Variants in KIRREL3 observed in about 807,000 individuals in gnomAD.
KIRREL3 encodes the protein kirre like nephrin family adhesion molecule 3.
KIRREL3 carries 36 observed loss-of-function variants against 89.7 expected under a neutral mutation model. The ratio of observed to expected loss-of-function variants is 0.40; its 90% CI spans 0.31 to 0.53. The LOEUF is 0.53. Among genes scored for constraint, KIRREL3 ranks in the 20% least tolerant of loss-of-function variants. The probability of loss-of-function intolerance (pLI) is 0.49; values close to 1 mark genes in which losing one functional copy is unlikely to be tolerated. For synonymous variants in KIRREL3, 445 were observed against 441.4 expected (o/e 1.01, Z -0.10); for missense variants, 864 against 1,056.6 (o/e 0.82, Z 2.53).
In KIRREL3 at chr11:126,890,594, G is replaced by A. The variant is rs1945876582; in HGVS notation, c.55+109861C>T. On this transcript the variant is annotated intron_variant, in intron 1 of 16. Coordinates refer to ENST00000525144, the MANE Select transcript of KIRREL3 (RefSeq NM_032531.4). This position sits in a 1 kb window ranked among gnomAD's most constrained non-coding sequence, Gnocchi z 5.1. ...CAGAAGGCACCTGGAGGGGTGCTGTGGGAGTCCCGTGGCTGCACATCCTGG... is the reference window on the plus strand; with the variant it reads ...CAGAAGGCACCTGGAGGGGTGCTGTAGGAGTCCCGTGGCTGCACATCCTGG... Among the ~76,000 whole-genome samples the A allele has an allele frequency of 6.6e-6, 1 of 152,240 alleles. No individual in the cohort carries two copies. The highest frequency in any genetic ancestry group is 2.1e-4 in the South Asian group (1 of 4,832).
chr11:126,931,378 C>T lies in KIRREL3; in HGVS notation c.55+69077G>A, dbSNP rs1741833858. Among the ~76,000 whole-genome samples, 1 of 152,200 alleles carries T rather than the reference C, an allele frequency of 6.6e-6. No homozygotes were observed. Among genetic ancestry groups the T allele is most frequent in the African/African-American group, 2.4e-5 (1 of 41,502 alleles). On this transcript the variant is annotated intron_variant, in intron 1 of 16. Transcript: ENST00000525144. The surrounding 1 kb of genome is among the most constrained non-coding windows in gnomAD (Gnocchi z 5.1). ...CATTCCTTCTTTCCTTCCTTCCTCC[C>T]TACCCCACCCTACTTTCCTGTCAAT...
At chr11:127,002,720 C>T (rs1950335887), upstream of KIRREL3, among the ~76,000 whole-genome samples, 1 of 152,124 alleles carries the variant, frequency 6.6e-6, no homozygotes, top group Admixed American at 6.5e-5. Flanking sequence ...CAACATTTGA[C>T]GTTTTAACTA....
chr11:126,888,408 C>G, intron 1 of KIRREL3, among the ~76,000 whole-genome samples: 1 of 151,708 alleles, frequency 6.6e-6, no homozygotes, highest in Non-Finnish European at 1.5e-5. Context: ...CAGATTCTTA[C>G]CAGGCTGCCT....
At chr11:126,711,415 G>T (rs536246559) in intron 1 of KIRREL3, among the ~76,000 whole-genome samples, 37 of 152,250 alleles carry the variant, frequency 2.4e-4, no homozygotes, top group South Asian at 8.3e-4. Context: ...ACAGAAATTA[G>T]CTGGGGGGTG....
At chr11:126,437,059 A>G in intron 11 of KIRREL3, 50 bp from the exon 12 acceptor site, 2 of 1,444,474 alleles carry the variant, frequency 1.4e-6, no homozygotes, top group Non-Finnish European at 1.8e-6. Flanking sequence ...GGGGCCCAGG[A>G]CACGCCCACA....
chr11:126,451,289 T>TG (rs1289606676), intron 7 of KIRREL3, among the ~76,000 whole-genome samples: 6 of 149,892 alleles, frequency 4.0e-5, no homozygotes, highest in African/African-American at 1.5e-4. Context: ...TGTGTGCGTG[T>TG]GTGCATGTGT....
At chr11:126,464,266 G>A (rs572396031) in intron 5 of KIRREL3, among the ~76,000 whole-genome samples, 6 of 151,512 alleles carry the variant, frequency 4.0e-5, no homozygotes, top group African/African-American at 1.5e-4. Flanking sequence ...CCAGCACTTT[G>A]GGAGGCTGAG....
chr11:126,922,867 G>A (rs548782648), intron 1 of KIRREL3, among the ~76,000 whole-genome samples: 48 of 152,204 alleles, frequency 3.2e-4, no homozygotes, highest in East Asian at 9.7e-4. Flanking sequence ...CCCACAATCC[G>A]CAGTGTTCTG....
At chr11:126,794,906 C>T (rs1015960741) in intron 1 of KIRREL3, among the ~76,000 whole-genome samples, 4 of 152,138 alleles carry the variant, frequency 2.6e-5, no homozygotes, top group African/African-American at 4.8e-5. Context: ...AAATTTTATT[C>T]AGTGATAAAA....
intron 4 of KIRREL3, among the ~76,000 whole-genome samples, chr11:126,499,978 A>C (rs768431434): frequency 6.6e-6 from 1 of 152,202 alleles, no homozygotes; most frequent in African/African-American, 2.4e-5. Flanking sequence ...GTCTGATACA[A>C]TGCTTTTGCA....
intron 2 of KIRREL3, among the ~76,000 whole-genome samples, chr11:126,540,903 C>T (rs1167902210): frequency 1.3e-5 from 2 of 152,170 alleles, no homozygotes; most frequent in East Asian, 1.9e-4. Context: ...GAGTCTCAGG[C>T]TCTTGTGTCT....
chr11:126,818,603 T>TGTA (rs144153893), intron 1 of KIRREL3, among the ~76,000 whole-genome samples: 24 of 147,938 alleles, frequency 1.6e-4, no homozygotes, highest in South Asian at 2.2e-4. Context: ...GCAGAAATTG[T>TGTA]GTAGTAGTAG....
intron 1 of KIRREL3, among the ~76,000 whole-genome samples, chr11:126,866,845 C>A (rs1439063098): frequency 1.3e-5 from 2 of 152,178 alleles, no homozygotes; most frequent in Admixed American, 1.3e-4. Flanking sequence ...AGACCACCTT[C>A]CCATTCCATT....
rs528012901 is a variant in KIRREL3 at position 126,452,757 on chromosome 11, C to T, written c.848+3592G>A. Among the ~76,000 whole-genome samples the T allele has an allele frequency of 1.1e-4, 17 of 152,272 alleles. 1 individual carries two copies. In the South Asian group the frequency reaches 3.3e-3, roughly 30 times the overall value. On this transcript the variant is annotated intron_variant, in intron 7 of 16. Coordinates refer to ENST00000525144, the MANE Select transcript of KIRREL3 (RefSeq NM_032531.4). ...GCCAGAGACGGAAGAGGACCGGAGC[C>T]GCTGTCGGGGCTGGGTCCGCAGGAG... is the stretch of plus-strand genomic sequence containing the variant.
chr11:126,774,225 G>C (rs923211213), intron 1 of KIRREL3, among the ~76,000 whole-genome samples: 5 of 148,258 alleles, frequency 3.4e-5, no homozygotes, highest in African/African-American at 1.3e-4. Context: ...GAGGGTTAAG[G>C]AAAAGGGCTC....
chr11:126,885,284 G>A (rs190384468), intron 1 of KIRREL3, among the ~76,000 whole-genome samples: 1 of 152,300 alleles, frequency 6.6e-6, no homozygotes, highest in Admixed American at 6.5e-5. Flanking sequence ...ACAGTGGGAA[G>A]CATAAAATAT....
At chr11:126,538,805 A>C (rs1026111243) in intron 2 of KIRREL3, among the ~76,000 whole-genome samples, 2 of 152,138 alleles carry the variant, frequency 1.3e-5, no homozygotes, top group Non-Finnish European at 2.9e-5. Context: ...GGAGGGGCTG[A>C]TATGTCTTCC....
Position 126,918,044 on chromosome 11 carries a change from T to C in KIRREL3, c.55+82411A>G, listed in dbSNP as rs1947110066. Among the ~76,000 whole-genome samples the C allele has an allele frequency of 6.6e-6, 1 of 152,152 alleles. No individual in the cohort carries two copies. The highest frequency in any genetic ancestry group is 1.5e-5 in the Non-Finnish European group (1 of 68,042). ...GCATGTTTACTGCTGCCTGGGAAAC[T>C]GGTTTTGTGCATTCTCAGAAATACG... On this transcript the variant is annotated intron_variant, in intron 1 of 16. Coordinates refer to ENST00000525144, the MANE Select transcript of KIRREL3 (RefSeq NM_032531.4). This position sits in a 1 kb window ranked among gnomAD's most constrained non-coding sequence, Gnocchi z 6.5.
chr11:126,820,534 C>T (rs918346650), intron 1 of KIRREL3, among the ~76,000 whole-genome samples: 2 of 151,876 alleles, frequency 1.3e-5, no homozygotes, highest in Non-Finnish European at 2.9e-5. Context: ...TACAAACACA[C>T]GATAAGAGGT....
Sources: gnomAD v4.1 joint callset for allele counts (sites outside exome capture counted in the v4.1 genomes callset) on GRCh38, gnomAD v4.1.1 for gene constraint, Gnocchi (gnomAD v3.1) non-coding constraint, MANE v1.5 for transcripts, NCBI Gene and HGNC (gene_info 2026-07-23, HGNC 2026-07-21) for gene names.